Variants in WLS observed in about 807,000 individuals in gnomAD.
The protein encoded by WLS is protein wntless homolog.
Under a neutral mutation model 62.8 loss-of-function variants are expected in WLS, and 23 were observed. The observed-to-expected ratio is 0.37, with a 90% confidence interval of 0.26 to 0.52. The LOEUF (loss-of-function observed/expected upper bound fraction) is 0.52, where lower values mean the gene tolerates loss of function less well. Among genes scored for constraint, WLS ranks in the 20% least tolerant of loss-of-function variants. The probability of loss-of-function intolerance (pLI) is 0.92; values close to 1 mark genes in which losing one functional copy is unlikely to be tolerated. For synonymous variants in WLS, 246 were observed against 244.1 expected (o/e 1.01, Z -0.07); for missense variants, 615 against 697.3 (o/e 0.88, Z 1.33).
At chr1:68,158,815 C>T (rs1303940591) in intron 3 of WLS, among the ~76,000 whole-genome samples, 2 of 152,198 alleles carry the variant, frequency 1.3e-5, no homozygotes, top group South Asian at 2.1e-4. Context: ...GAGGTCACAC[C>T]GTCAGTGATA....
chr1:68,150,270 A>G lies in WLS; in HGVS notation c.890T>C (p.Leu297Pro). 6.2e-7 allele frequency: 1 copy of G among 1,614,252 alleles called. No individual in the cohort carries two copies. Among genetic ancestry groups the G allele is most frequent in the Non-Finnish European group, 8.5e-7 (1 of 1,180,034 alleles). ...FSIGFDWTWM[L>P]LFGDIRQGIF... ...GCCCTGTCGGATGTCACCAAACAGC[A>G]GCATCCAGGTCCAGTCAAACCCGAT... is the stretch of plus-strand genomic sequence containing the variant. Residue 297 changes from leucine (L) to proline (P), a missense_variant, in exon 6 of 12, where the codon CTG (leucine) becomes CCG (proline). Physicochemically the swap from Leu to Pro is moderately conservative, Grantham distance 98 (BLOSUM62 -3). Coordinates refer to ENST00000262348, the MANE Select transcript of WLS (RefSeq NM_024911.7).
At position 68,114,222 on chromosome 1, in the gene WLS, G is replaced by A. The variant is rs759378856; in HGVS notation, c.1511-15469C>T. Among the ~76,000 whole-genome samples the A allele has an allele frequency of 3.9e-5, 6 of 152,304 alleles. No individual in the cohort carries two copies. The East Asian group carries it at 1.2e-3, about 29-fold the overall frequency. On this transcript the variant is annotated intron_variant, in intron 11 of 11. Coordinates refer to the WLS transcript ENST00000354777. The stretch of plus-strand genomic sequence containing the variant: ...GGCCAAGGTCTCAGCTTGGGATAGG[G>A]TGAGGATCAGAAGGCTGGAAAGATA...
At chr1:68,140,011 C>T (rs1301817294) in intron 10 of WLS, among the ~76,000 whole-genome samples, 2 of 152,210 alleles carry the variant, frequency 1.3e-5, no homozygotes, top group Non-Finnish European at 2.9e-5. Context: ...CAAATATTAG[C>T]AAAGCTAAGA....
intron 11 of WLS, among the ~76,000 whole-genome samples, chr1:68,114,362 A>G (rs1041725232): frequency 3.0e-4 from 46 of 152,364 alleles, no homozygotes; most frequent in African/African-American, 8.2e-4. Context: ...AGGAGCCAAT[A>G]TAAGCATTCC....
intron 11 of WLS, among the ~76,000 whole-genome samples, chr1:68,132,434 G>C (rs1646540893): frequency 6.6e-6 from 1 of 152,134 alleles, no homozygotes; most frequent in South Asian, 2.1e-4. Context: ...CAATAAAAGG[G>C]GGCAACCAAT....
intron 2 of WLS, among the ~76,000 whole-genome samples, chr1:68,189,197 C>T (rs1266588501): frequency 6.6e-6 from 1 of 152,098 alleles, no homozygotes; most frequent in Non-Finnish European, 1.5e-5. Context: ...TATTACAGTA[C>T]TTGTGTGCAA....
At chr1:68,178,695 G>C (rs1647371941) in intron 2 of WLS, among the ~76,000 whole-genome samples, 1 of 123,444 alleles carries the variant, frequency 8.1e-6, no homozygotes, top group African/African-American at 3.5e-5. Context: ...AACAGATCGA[G>C]ACTACATTTC....
chr1:68,232,341 T>G lies in WLS; in HGVS notation c.-42A>C. 1 of 1,604,398 alleles carries G rather than the reference T, an allele frequency of 6.2e-7. No homozygotes were observed. Among genetic ancestry groups the G allele is most frequent in the Non-Finnish European group, 8.5e-7 (1 of 1,174,938 alleles). ...TTTCTTTTCTCCTTGAAATAAATGT[T>G]TTAGGGTGAGCTTTTTGCTCCCTCC... On this transcript the variant is annotated 5_prime_UTR_variant, in exon 1 of 12. Coordinates refer to ENST00000262348, the MANE Select transcript of WLS (RefSeq NM_024911.7).
At chr1:68,165,701 G>A (rs1362035104) in intron 2 of WLS, among the ~76,000 whole-genome samples, 1 of 152,102 alleles carries the variant, frequency 6.6e-6, no homozygotes, top group Non-Finnish European at 1.5e-5. Flanking sequence ...GGGGTGTAGG[G>A]GCCCACACTT....
chr1:68,162,553 C>T, intron 2 of WLS: 1 of 1,588,652 alleles, frequency 6.3e-7, no homozygotes, highest in Non-Finnish European at 8.6e-7. Context: ...CAGCATTTCC[C>T]CACGGATGCT....
At chr1:68,147,537 C>A (rs1039069558) in intron 8 of WLS, among the ~76,000 whole-genome samples, 4 of 152,154 alleles carry the variant, frequency 2.6e-5, no homozygotes, top group Non-Finnish European at 2.9e-5. Flanking sequence ...CATACTATTC[C>A]GGAAGATAAA....
At chr1:68,162,822 C>T (rs796230045) in intron 2 of WLS, 14 of 1,278,868 alleles carry the variant, frequency 1.1e-5, no homozygotes, top group South Asian at 6.0e-5. Flanking sequence ...TTTCTAGGTC[C>T]TCCCTGGTGA....
At chr1:68,207,626 A>C (rs775886488) in intron 1 of WLS, among the ~76,000 whole-genome samples, 3 of 152,236 alleles carry the variant, frequency 2.0e-5, no homozygotes, top group Non-Finnish European at 4.4e-5. Flanking sequence ...AGGCAATTAC[A>C]AAAAGAGAGT....
intron 11 of WLS, among the ~76,000 whole-genome samples, chr1:68,108,356 T>C (rs1557444571): frequency 6.6e-6 from 1 of 152,154 alleles, no homozygotes; most frequent in African/African-American, 2.4e-5. Context: ...CTTCATCTCT[T>C]AAAAGAGACC....
chr1:68,137,108 C>A (rs549610865), intron 11 of WLS, among the ~76,000 whole-genome samples: 11 of 152,342 alleles, frequency 7.2e-5, no homozygotes, highest in African/African-American at 2.4e-4. Context: ...TTTCTGTCTG[C>A]TGTGGCTAGT....
intron 1 of WLS, among the ~76,000 whole-genome samples, chr1:68,203,967 A>C (rs1649165712): frequency 6.6e-6 from 1 of 152,212 alleles, no homozygotes; most frequent in Non-Finnish European, 1.5e-5. Flanking sequence ...ATGGTATGTC[A>C]GGGAATGGAG....
At chr1:68,108,624 T>C (rs1428984542) in intron 11 of WLS, among the ~76,000 whole-genome samples, 1 of 152,210 alleles carries the variant, frequency 6.6e-6, no homozygotes, top group African/African-American at 2.4e-5. Context: ...CTGAACTGAA[T>C]CACCTTGATT....
intron 1 of WLS, among the ~76,000 whole-genome samples, chr1:68,230,779 A>G (rs1180547248): frequency 2.0e-5 from 3 of 151,988 alleles, no homozygotes; most frequent in Non-Finnish European, 4.4e-5. Flanking sequence ...AGCTTCACCC[A>G]CTCTCCTTTG....
At chr1:68,161,799 C>G in intron 2 of WLS, 2 of 1,601,954 alleles carry the variant, frequency 1.2e-6, no homozygotes, top group East Asian at 4.5e-5. Flanking sequence ...GTTTTGTGGG[C>G]TGGTTGGGAG....
Sources: allele counts gnomAD v4.1 joint callset (sites outside exome capture counted in the v4.1 genomes callset), GRCh38; gene constraint gnomAD v4.1.1; transcripts MANE v1.5; gene names NCBI Gene and HGNC (gene_info 2026-07-23, HGNC 2026-07-21).